Variants in ZNF385B observed in about 807,000 individuals in gnomAD.
The protein encoded by ZNF385B is zinc finger protein 533.
In ZNF385B, 23 loss-of-function variants were observed where a neutral mutation model predicts 39.2. The observed-to-expected ratio is 0.59, with a 90% CI of 0.42 to 0.83. ZNF385B has a LOEUF of 0.83. Among genes scored for constraint, ZNF385B ranks in the 40% least tolerant of loss-of-function variants. ZNF385B has a pLI of 0.00. For synonymous variants in ZNF385B, 205 were observed against 222.6 expected (o/e 0.92, Z 0.70); for missense variants, 552 against 598.9 (o/e 0.92, Z 0.82).
chr2:179,745,314 G>T (rs1356158846), intron 3 of ZNF385B, among the ~76,000 whole-genome samples: 1 of 152,096 alleles, frequency 6.6e-6, no homozygotes, highest in Non-Finnish European at 1.5e-5. Context: ...TCATGTCAAA[G>T]ATTCTACAAA....
chr2:179,516,020 G>A (rs1322406075), intron 5 of ZNF385B, among the ~76,000 whole-genome samples: 1 of 152,076 alleles, frequency 6.6e-6, no homozygotes, highest in African/African-American at 2.4e-5. Context: ...CAATCAAATG[G>A]CATATAGTCT....
chr2:179,758,660 C>G (rs1288338610), intron 3 of ZNF385B, among the ~76,000 whole-genome samples: 1 of 152,234 alleles, frequency 6.6e-6, no homozygotes, highest in South Asian at 2.1e-4. Context: ...TCTTGCAACA[C>G]TGCTCTGTGA....
At chr2:179,825,441 T>G (rs992948053) in intron 1 of ZNF385B, among the ~76,000 whole-genome samples, 1 of 152,142 alleles carries the variant, frequency 6.6e-6, no homozygotes, top group Non-Finnish European at 1.5e-5. Context: ...TCAAAGCACT[T>G]CTTTTTTGAT....
intron 5 of ZNF385B, among the ~76,000 whole-genome samples, chr2:179,500,609 A>C (rs1421437509): frequency 6.6e-6 from 1 of 152,178 alleles, no homozygotes; most frequent in Non-Finnish European, 1.5e-5. Flanking sequence ...AATGGATTAA[A>C]GACTTAAATC....
chr2:179,521,426 C>T (rs528799229), intron 4 of ZNF385B, among the ~76,000 whole-genome samples: 3 of 145,958 alleles, frequency 2.1e-5, no homozygotes, highest in East Asian at 2.0e-4. Context: ...TCTCGAACTC[C>T]TGACCTCAGG....
chr2:179,807,826 T>C (rs562061803), intron 1 of ZNF385B, among the ~76,000 whole-genome samples: 2 of 146,950 alleles, frequency 1.4e-5, no homozygotes, highest in South Asian at 2.2e-4. Flanking sequence ...ACCCGGGAGG[T>C]GGAGCTTGCA....
intron 3 of ZNF385B, among the ~76,000 whole-genome samples, chr2:179,650,293 T>C (rs1353917168): frequency 1.3e-5 from 2 of 152,222 alleles, no homozygotes; most frequent in Admixed American, 6.5e-5. Context: ...AAAGGATGCA[T>C]GTGTTTGAAG....
chr2:179,736,254 C>T (rs1701747278), intron 3 of ZNF385B, among the ~76,000 whole-genome samples: 1 of 152,138 alleles, frequency 6.6e-6, no homozygotes, highest in Non-Finnish European at 1.5e-5. Flanking sequence ...AACTCTCCAT[C>T]TTACTTGATA....
intron 3 of ZNF385B, among the ~76,000 whole-genome samples, chr2:179,641,975 T>C (rs1370770890): frequency 6.6e-6 from 1 of 152,152 alleles, no homozygotes; most frequent in African/African-American, 2.4e-5. Context: ...ACTGTCTGTC[T>C]CAAGGTTTGA....
At chr2:179,555,654 A>G (rs2060859230) in intron 3 of ZNF385B, among the ~76,000 whole-genome samples, 1 of 149,318 alleles carries the variant, frequency 6.7e-6, no homozygotes, top group Non-Finnish European at 1.5e-5. Flanking sequence ...TTCTACTGCC[A>G]GCTTGATTTT....
At chr2:179,725,021 AC>A (rs779314989) in intron 3 of ZNF385B, among the ~76,000 whole-genome samples, 8 of 152,114 alleles carry the variant, frequency 5.3e-5, no homozygotes, top group Non-Finnish European at 1.2e-4. Flanking sequence ...GAGAAAAATT[AC>A]ATAATTCACA....
chr2:179,795,955 C>T (rs540676522), intron 1 of ZNF385B, among the ~76,000 whole-genome samples: 5 of 152,240 alleles, frequency 3.3e-5, no homozygotes, highest in Admixed American at 6.5e-5. Context: ...AAATAGACTA[C>T]TATAGACTAT....
At chr2:179,771,871 A>G (rs947166435) in intron 1 of ZNF385B, among the ~76,000 whole-genome samples, 4 of 152,210 alleles carry the variant, frequency 2.6e-5, no homozygotes, top group African/African-American at 7.2e-5. Flanking sequence ...AGAAAAGCCA[A>G]TAACGTTTAA....
At chr2:179,802,188 C>A (rs1396410275) in intron 1 of ZNF385B, among the ~76,000 whole-genome samples, 1 of 152,076 alleles carries the variant, frequency 6.6e-6, no homozygotes, top group African/African-American at 2.4e-5. Flanking sequence ...TACTCTGAGA[C>A]CCTCCAAATA....
intron 3 of ZNF385B, among the ~76,000 whole-genome samples, chr2:179,626,703 T>C (rs1412712675): frequency 1.3e-4 from 20 of 152,152 alleles, no homozygotes. Flanking sequence ...AGTGATTACC[T>C]TAACCTTAGA....
chr2:179,576,899 C>A (rs540688465), intron 3 of ZNF385B, among the ~76,000 whole-genome samples: 1 of 152,212 alleles, frequency 6.6e-6, no homozygotes, highest in East Asian at 1.9e-4. Flanking sequence ...GGAATCTCTG[C>A]TGCACTGTTT....
intron 3 of ZNF385B, among the ~76,000 whole-genome samples, chr2:179,653,375 A>G (rs1693396255): frequency 6.6e-6 from 1 of 152,166 alleles, no homozygotes; most frequent in Non-Finnish European, 1.5e-5. Flanking sequence ...GCCTCTCTCT[A>G]GAAGAACAGC....
intron 5 of ZNF385B, among the ~76,000 whole-genome samples, chr2:179,504,040 C>A (rs1288901949): frequency 6.8e-6 from 1 of 146,256 alleles, no homozygotes; most frequent in Non-Finnish European, 1.5e-5. Flanking sequence ...CCCCACCCCA[C>A]CACAGTCCCC....
intron 3 of ZNF385B, among the ~76,000 whole-genome samples, chr2:179,568,202 C>G (rs1173607318): frequency 1.3e-5 from 2 of 152,178 alleles, no homozygotes; most frequent in East Asian, 1.9e-4. Flanking sequence ...CTGCTGTTCC[C>G]TCAGCATGAA....
Sources: allele counts gnomAD v4.1 joint callset (sites outside exome capture counted in the v4.1 genomes callset), GRCh38; gene constraint gnomAD v4.1.1; transcripts MANE v1.5; gene names NCBI Gene and HGNC (gene_info 2026-07-23, HGNC 2026-07-21).